Variants in HIKESHI observed in about 807,000 individuals in gnomAD.
HIKESHI encodes protein Hikeshi.
In HIKESHI, 13 loss-of-function variants were observed where a neutral mutation model predicts 25.7. That is an observed-to-expected ratio of 0.51 (90% CI 0.33 to 0.80). The LOEUF is 0.80. Among genes scored for constraint, HIKESHI ranks in the 30% least tolerant of loss-of-function variants. HIKESHI has a pLI of 0.02. For missense variants in HIKESHI, 174 were observed against 229.5 expected, an observed-to-expected ratio of 0.76 and a Z score of 1.56; for synonymous variants, 76 against 78.7, an observed-to-expected ratio of 0.97 and a Z score of 0.18.
intron 2 of HIKESHI, among the ~76,000 whole-genome samples, chr11:86,333,877 T>C (rs1206271419): frequency 2.6e-5 from 4 of 152,236 alleles, no homozygotes; most frequent in African/African-American, 9.6e-5. Flanking sequence ...ATAGCCATCC[T>C]TCAACAAATT....
At chr11:86,306,593 A>G in intron 2 of HIKESHI, 111 bp downstream of exon 2, 1 of 638,096 alleles carries the variant, frequency 1.6e-6, no homozygotes, top group Non-Finnish European at 2.6e-6. Flanking sequence ...TGGTTGTTAA[A>G]GTAATACAAA....
chr11:86,339,434 G>A (rs1947661935), intron 3 of HIKESHI, among the ~76,000 whole-genome samples: 1 of 152,158 alleles, frequency 6.6e-6, no homozygotes, highest in Non-Finnish European at 1.5e-5. Context: ...TCTTTATGGT[G>A]GGGTATACAT....
At chr11:86,322,218 C>CTCAA (rs1207621453) in intron 2 of HIKESHI, among the ~76,000 whole-genome samples, 2 of 152,094 alleles carry the variant, frequency 1.3e-5, no homozygotes, top group African/African-American at 4.8e-5. Context: ...AACTCCTGAC[C>CTCAA]TCAAGTGATA....
intron 2 of HIKESHI, among the ~76,000 whole-genome samples, chr11:86,334,268 G>GTGTGTGTGTGTGTGTT (rs1947490507): frequency 7.0e-6 from 1 of 143,690 alleles, no homozygotes; most frequent in Admixed American, 6.9e-5. Flanking sequence ...GTGTGTGTGT[G>GTGTGTGTGTGTGTGTT]TGTGTAAAGT....
intron 2 of HIKESHI, among the ~76,000 whole-genome samples, chr11:86,331,822 G>A (rs1947431668): frequency 6.6e-6 from 1 of 152,050 alleles, no homozygotes; most frequent in African/African-American, 2.4e-5. Context: ...GAAGCAGGGA[G>A]TTTTTAGAAA....
At chr11:86,340,831 G>C (rs1947705711) in intron 3 of HIKESHI, among the ~76,000 whole-genome samples, 2 of 152,182 alleles carry the variant, frequency 1.3e-5, no homozygotes, top group South Asian at 4.1e-4. Flanking sequence ...TTTTAGTAAA[G>C]ATGGGGTTTC....
rs571433334 is a variant in HIKESHI, at chr11:86,327,393, C to T, written c.269-9986C>T. On this transcript the variant is annotated intron_variant, in intron 2 of 4. Coordinates refer to ENST00000278483, the MANE Select transcript of HIKESHI (RefSeq NM_016401.4). ...GTAGTGGCGCAATCTCGGCTCACTG[C>T]CAGCTCCGCCTCCCGGGTTCACACC... is the stretch of plus-strand genomic sequence containing the variant. Among the ~76,000 whole-genome samples the T allele has an allele frequency of 6.4e-4, 98 of 152,134 alleles. 1 individual carries two copies. The highest frequency in any genetic ancestry group is 2.3e-3 in the African/African-American group (95 of 41,496).
intron 2 of HIKESHI, among the ~76,000 whole-genome samples, chr11:86,320,865 G>C (rs891389511): frequency 2.6e-5 from 4 of 151,886 alleles, no homozygotes; most frequent in African/African-American, 9.7e-5. Flanking sequence ...TTTTTGTCTG[G>C]CTTTTTTTAC....
At chr11:86,313,241 T>G (rs568185599) in intron 2 of HIKESHI, among the ~76,000 whole-genome samples, 1 of 152,314 alleles carries the variant, frequency 6.6e-6, no homozygotes, top group African/African-American at 2.4e-5. Context: ...ATTATTTTAT[T>G]TATTTTTGAG....
intron 1 of HIKESHI, among the ~76,000 whole-genome samples, chr11:86,305,494 C>G (rs1393143477): frequency 4.0e-5 from 6 of 150,384 alleles, no homozygotes; most frequent in Non-Finnish European, 8.9e-5. Flanking sequence ...TCAAGTGATT[C>G]TCCTACCTTA....
chr11:86,314,259 G>A (rs1412098525), intron 2 of HIKESHI, among the ~76,000 whole-genome samples: 1 of 152,132 alleles, frequency 6.6e-6, no homozygotes, highest in Non-Finnish European at 1.5e-5. Context: ...AATGAACTGG[G>A]ACAGTTCTAC....
chr11:86,345,596 T>C lies in HIKESHI; in HGVS notation c.552T>C (p.Phe184=), dbSNP rs148932996. The change falls in exon 5 of 5, where the codon TTT becomes TTC. Residue 184 remains phenylalanine, a synonymous_variant. Coordinates refer to ENST00000278483, the MANE Select transcript of HIKESHI (RefSeq NM_016401.4). ...TTTTCTTTTCTAGGTATGAAAACTT[T>C]CAAAGACGACTAGCACAGAACCCTC... ...ANVVLKWYEN[F]QRRLAQNPLF... 53 of 1,549,552 alleles carry C rather than the reference T, an allele frequency of 3.4e-5. No homozygotes were observed. The highest frequency in any genetic ancestry group is 4.4e-5 in the Non-Finnish European group (50 of 1,135,888).
In HIKESHI at chr11:86,302,490, A is replaced by G. The variant is rs1453740896; in HGVS notation, c.30+12A>G. ...TGGCGGGGAGGCTGGTGAGGATGGG[A>G]CCGGGTGATATCAGGAAGGGGTCAG... On this transcript the variant is annotated intron_variant, in intron 1 of 4. Transcript: ENST00000278483. 3.2e-6 allele frequency: 5 copies of G among 1,556,754 alleles called. No individual in the cohort carries two copies. The highest frequency in any genetic ancestry group is 4.3e-6 in the Non-Finnish European group (5 of 1,150,066).
At chr11:86,306,616 A>T (rs291247) in intron 2 of HIKESHI, 134 bp downstream of exon 2, 386,744 of 567,766 alleles carry the variant, frequency 0.68, 133,390 homozygotes, top group East Asian at 0.82. Flanking sequence ...ATTGTTTTTT[A>T]AAAAAGACAA....
intron 2 of HIKESHI, among the ~76,000 whole-genome samples, chr11:86,333,034 AAG>A (rs77165410): frequency 0.21 from 32,051 of 152,118 alleles, 3,548 homozygotes; most frequent in East Asian, 0.28. Flanking sequence ...CATAATGGCA[AAG>A]AGAAGAAAAT....
Position 86,344,590 on chromosome 11 carries a change from A to T in HIKESHI, c.421-13A>T. 1.4e-6 allele frequency: 2 copies of T among 1,444,858 alleles called. No individual in the cohort carries two copies. Among genetic ancestry groups the T allele is most frequent in the Non-Finnish European group, 1.9e-6 (2 of 1,032,730 alleles). 89.5% of individuals were successfully genotyped at this position (1,444,858 alleles called of 1,614,324 possible). A position where few individuals can be genotyped will look rare whatever the true frequency, so the allele number is the denominator to read the frequency against. On this transcript the variant is annotated splice_polypyrimidine_tract_variant and intron_variant, in intron 3 of 4. Coordinates refer to ENST00000278483, the MANE Select transcript of HIKESHI (RefSeq NM_016401.4). Reference sequence around the variant, plus strand: ...ATTCAGTATAATCCATTAATCTATTATTAACTTTTCAGTTCACACAAAAGA... The same window carrying T: ...ATTCAGTATAATCCATTAATCTATTTTTAACTTTTCAGTTCACACAAAAGA...
At chr11:86,306,953 TC>T (rs1946642111) in intron 2 of HIKESHI, among the ~76,000 whole-genome samples, 2 of 148,046 alleles carry the variant, frequency 1.4e-5, no homozygotes, top group Non-Finnish European at 1.5e-5. Context: ...TGAGCCAAGA[TC>T]CCACCACTGC....
At chr11:86,307,923 A>ATAATATATAAAATATATATTATGTG (rs1279416615) in intron 2 of HIKESHI, among the ~76,000 whole-genome samples, 1,625 of 105,448 alleles carry the variant, frequency 0.015, 294 homozygotes, top group African/African-American at 0.045. Flanking sequence ...TGTGTAATAT[A>ATAATATATAAAATATATATTATGTG]TAATATATAA....
intron 3 of HIKESHI, among the ~76,000 whole-genome samples, chr11:86,339,250 G>A (rs771342361): frequency 1.3e-5 from 2 of 152,076 alleles, no homozygotes; most frequent in African/African-American, 4.8e-5. Flanking sequence ...GGGTTTCGCC[G>A]TGTTAGCCAC....
Sources: allele counts gnomAD v4.1 joint callset (sites outside exome capture counted in the v4.1 genomes callset), GRCh38; gene constraint gnomAD v4.1.1; transcripts MANE v1.5; gene names NCBI Gene and HGNC (gene_info 2026-07-23, HGNC 2026-07-21).